The following ELP1 variants were observed in gnomAD, a reference collection of about 807,000 sequenced individuals.
ELP1 encodes elongator complex protein 1.
In ELP1, 131 loss-of-function variants were observed where a neutral mutation model predicts 183.2. The observed-to-expected ratio is 0.72, with a 90% confidence interval of 0.62 to 0.83. ELP1 has a LOEUF of 0.83. ELP1 is among the 40% of genes least tolerant of loss of function. The probability of loss-of-function intolerance (pLI) is 0.00; values close to 1 mark genes in which losing one functional copy is unlikely to be tolerated. For synonymous variants in ELP1, 555 were observed against 569.0 expected (o/e 0.98, Z 0.35); for missense variants, 1,550 against 1,594.9 (o/e 0.97, Z 0.48).
In ELP1 at chr9:108,867,846, G is replaced by C. The variant is rs565942455; in HGVS notation, c.*1269C>G. On this transcript the variant is annotated 3_prime_UTR_variant, in exon 37 of 37. Transcript: ENST00000374647. ...AGATTGATTCTATAGTTAACATCTT[G>C]CTATACTGGGAAAGGCTTCTTAAAT... 7.2e-5 allele frequency: 11 copies of C among 152,292 alleles called. No homozygotes were observed. The highest frequency in any genetic ancestry group is 2.6e-4 in the African/African-American group (11 of 41,558). The allele number at this position is 152,292 out of a possible 1,614,324, so 9.4% of individuals were successfully genotyped here. A position where few individuals can be genotyped will look rare whatever the true frequency, so the allele number is the denominator to read the frequency against.
At position 108,918,908 on chromosome 9, in the gene ELP1, G is replaced by A. The variant is rs368410371; in HGVS notation, c.650-7C>T. The A allele has an allele frequency of 5.7e-5, 92 of 1,610,312 alleles. 1 individual carries two copies. Among genetic ancestry groups the A allele is most frequent in the Admixed American group, 4.5e-4 (27 of 60,010 alleles). On this transcript the variant is annotated splice_polypyrimidine_tract_variant and splice_region_variant and intron_variant, in intron 7 of 36. Transcript: ENST00000374647. ...ACTCTGACCTTCCGAGCCCCTGTGC[G>A]GGAGTGGAGTCAAACACACATACAC...
chr9:108,906,373 G>A lies in ELP1; in HGVS notation c.1573C>T (p.Arg525Trp), dbSNP rs766737737. 114 of 1,613,824 alleles carry A rather than the reference G, an allele frequency of 7.1e-5. 2 individuals carry two copies. Among genetic ancestry groups the A allele is most frequent in the Middle Eastern group, 3.3e-4 (2 of 6,084 alleles). ...LAVSHSEFSP[R>W]SVIHHLTAAS... ...GCAGTCAAATGGTGAATGACAGACC[G>A]GGGGCTGAACTCACTGTGGCTTACA... Residue 525 changes from arginine to tryptophan, a missense_variant, in exon 14 of 37, where the codon CGG (arginine) becomes TGG (tryptophan). Arg to Trp is a moderately radical substitution (Grantham distance 101). Coordinates refer to ENST00000374647, the MANE Select transcript of ELP1 (RefSeq NM_003640.5).
intron 10 of ELP1, among the ~76,000 whole-genome samples, chr9:108,913,791 C>A (rs1025043607): frequency 6.6e-6 from 1 of 152,082 alleles, no homozygotes; most frequent in East Asian, 1.9e-4. Context: ...GGACTACAGG[C>A]GCGCACCACC....
intron 5 of ELP1, among the ~76,000 whole-genome samples, chr9:108,923,865 G>A (rs1006975089): frequency 6.6e-6 from 1 of 152,184 alleles, no homozygotes; most frequent in Non-Finnish European, 1.5e-5. Flanking sequence ...AATAAAGATG[G>A]TCCTGAAAAC....
intron 2 of ELP1, among the ~76,000 whole-genome samples, chr9:108,930,506 C>T (rs1052446147): frequency 3.3e-5 from 5 of 151,894 alleles, no homozygotes; most frequent in African/African-American, 7.3e-5. Context: ...CTGGCTAACA[C>T]GGTGAAACCG....
intron 10 of ELP1, among the ~76,000 whole-genome samples, chr9:108,912,915 C>T (rs904940492): frequency 5.1e-5 from 6 of 116,776 alleles, no homozygotes; most frequent in Admixed American, 9.1e-5. Flanking sequence ...CCACCACACC[C>T]GGCTAATTTT....
chr9:108,930,388 AC>A (rs1829961179), intron 2 of ELP1, among the ~76,000 whole-genome samples: 1 of 152,200 alleles, frequency 6.6e-6, no homozygotes. Flanking sequence ...GTGGGCTCAA[AC>A]TTTTAGAAAG....
intron 15 of ELP1, among the ~76,000 whole-genome samples, chr9:108,903,163 G>C (rs1828876036): frequency 6.6e-6 from 1 of 151,936 alleles, no homozygotes. Flanking sequence ...GTGCCATGTT[G>C]GTGTGCTGCA....
At chr9:108,909,135 C>T (rs1470760743) in intron 12 of ELP1, among the ~76,000 whole-genome samples, 1 of 151,994 alleles carries the variant, frequency 6.6e-6, no homozygotes, top group East Asian at 1.9e-4. Flanking sequence ...ACAGAGAGGC[C>T]TTTGGGATCA....
chr9:108,922,501 T>C (rs1235437925), intron 6 of ELP1, among the ~76,000 whole-genome samples: 1 of 152,208 alleles, frequency 6.6e-6, no homozygotes, highest in Non-Finnish European at 1.5e-5. Flanking sequence ...TGCATGTGAA[T>C]GAAGGATGGC....
chr9:108,932,887 T>C (rs1165138046), intron 1 of ELP1, among the ~76,000 whole-genome samples: 3 of 152,186 alleles, frequency 2.0e-5, no homozygotes, highest in African/African-American at 7.2e-5. Context: ...TTAAATGTGC[T>C]AAAGATCCCT....
At chr9:108,928,828 C>A (rs185559192) in intron 3 of ELP1, among the ~76,000 whole-genome samples, 7 of 152,234 alleles carry the variant, frequency 4.6e-5, no homozygotes, top group Non-Finnish European at 1.0e-4. Context: ...ATATTTCCCA[C>A]CATGAACTGC....
chr9:108,932,039 CTTATG>C (rs948596904), intron 1 of ELP1, among the ~76,000 whole-genome samples: 11 of 152,154 alleles, frequency 7.2e-5, no homozygotes, highest in African/African-American at 2.4e-4. Flanking sequence ...AAGTCCCTAA[CTTATG>C]TTAGGGGTAG....
chr9:108,889,542 TA>T lies in ELP1; in HGVS notation c.3161-150del. 3 of 724,882 alleles carry T rather than the reference TA, an allele frequency of 4.1e-6. 1 individual carries two copies. Among genetic ancestry groups the T allele is most frequent in the Non-Finnish European group, 7.3e-6 (3 of 410,778 alleles). 44.9% of individuals were successfully genotyped at this position (724,882 alleles called of 1,614,324 possible). ...GTATATACACCACAGAGTCCTATCT[TA>T]AATGGCAGCTAGAATCTAAATTTAG... On this transcript the variant is annotated intron_variant, in intron 28 of 36. Coordinates refer to ENST00000374647, the MANE Select transcript of ELP1 (RefSeq NM_003640.5).
Position 108,922,904 on chromosome 9 carries a change from C to G in ELP1, c.490G>C (p.Gly164Arg), listed in dbSNP as rs765765951. Residue 164 changes from glycine to arginine, a missense_variant, in exon 6 of 37, where the codon GGT becomes CGT. Gly to Arg is a moderately radical substitution (Grantham distance 125). Transcript: ENST00000374647. ...CCATGGAACTGTGTCTCCTTCCTAC[C>G]CCATCCAACAGTGATAAACTTGCCT... ...GESKFITVGW[G>R]RKETQFHGSE... The G allele has an allele frequency of 3.1e-6, 5 of 1,613,888 alleles. No homozygotes were observed. Among genetic ancestry groups the G allele is most frequent in the Non-Finnish European group, 4.2e-6 (5 of 1,179,802 alleles).
chr9:108,926,308 A>G (rs1177753466), intron 5 of ELP1, among the ~76,000 whole-genome samples: 1 of 152,188 alleles, frequency 6.6e-6, no homozygotes, highest in Non-Finnish European at 1.5e-5. Flanking sequence ...GGTAATAACT[A>G]TCTAAGTGAC....
At chr9:108,871,957 T>C (rs1827474891) in intron 36 of ELP1, among the ~76,000 whole-genome samples, 1 of 152,232 alleles carries the variant, frequency 6.6e-6, no homozygotes, top group South Asian at 2.1e-4. Flanking sequence ...GGTTCATTTA[T>C]CTTGAAGTGG....
At chr9:108,915,281 T>C (rs1829389245) in intron 10 of ELP1, among the ~76,000 whole-genome samples, 1 of 118,416 alleles carries the variant, frequency 8.4e-6, no homozygotes, top group African/African-American at 3.6e-5. Context: ...GGCTAGGCTA[T>C]GGCACCCAGC....
intron 2 of ELP1, 150 bp from the exon 3 acceptor site, chr9:108,930,071 G>A: frequency 1.1e-6 from 1 of 876,058 alleles, no homozygotes. Context: ...TTTCATTTGA[G>A]AAATATCACT....
Sources: gnomAD v4.1 joint callset for allele counts (sites outside exome capture counted in the v4.1 genomes callset) on GRCh38, gnomAD v4.1.1 for gene constraint, MANE v1.5 for transcripts, NCBI Gene and HGNC (gene_info 2026-07-23, HGNC 2026-07-21) for gene names.